ARL6IP6: variants seen among roughly 807,000 people sequenced by gnomAD.
The protein encoded by ARL6IP6 is ARF like GTPase 6 interacting protein 6.
Under a neutral mutation model 21.5 loss-of-function variants are expected in ARL6IP6, and 22 were observed. The ratio of observed to expected loss-of-function variants is 1.02; its 90% CI spans 0.73 to 1.46. ARL6IP6 has a LOEUF of 1.46. Ranked by LOEUF, ARL6IP6 falls within the 40% of genes most tolerant of loss-of-function variation. ARL6IP6 has a pLI of 0.00. For synonymous variants in ARL6IP6, 164 were observed against 125.3 expected (o/e 1.31, Z -2.06); for missense variants, 388 against 299.8 (o/e 1.29, Z -2.17).
intron 3 of ARL6IP6, among the ~76,000 whole-genome samples, chr2:152,750,470 T>C (rs1299733027): frequency 2.2e-5 from 3 of 136,370 alleles, no homozygotes; most frequent in South Asian, 4.6e-4. Context: ...AGCAAGACTC[T>C]GTCCAAAAAA....
intron 2 of ARL6IP6, among the ~76,000 whole-genome samples, chr2:152,725,119 G>T (rs867212914): frequency 2.7e-4 from 41 of 152,158 alleles, no homozygotes; most frequent in Middle Eastern, 6.8e-3. Context: ...CTTTCTTAGG[G>T]ATCTTCAAAA....
intron 2 of ARL6IP6, among the ~76,000 whole-genome samples, chr2:152,728,522 A>T (rs371454562): frequency 5.9e-5 from 9 of 152,198 alleles, no homozygotes; most frequent in African/African-American, 2.2e-4. Context: ...TTTAGAGCAT[A>T]TAACAGCCTC....
At chr2:152,755,003 A>G (rs1701512137) in intron 3 of ARL6IP6, among the ~76,000 whole-genome samples, 1 of 152,192 alleles carries the variant, frequency 6.6e-6, no homozygotes, top group Non-Finnish European at 1.5e-5. Flanking sequence ...TATGAATATC[A>G]TTAATCATTA....
chr2:152,737,733 A>G (rs750150017), intron 3 of ARL6IP6, among the ~76,000 whole-genome samples: 2 of 152,208 alleles, frequency 1.3e-5, no homozygotes, highest in Non-Finnish European at 1.5e-5. Flanking sequence ...AACCACCCCC[A>G]TAATTTAATT....
In ARL6IP6 at chr2:152,761,602, A is replaced by G. The variant is rs755673138; in HGVS notation, c.*1762A>G. On this transcript the variant is annotated 3_prime_UTR_variant, in exon 4 of 4. Coordinates refer to ENST00000326446, the MANE Select transcript of ARL6IP6 (RefSeq NM_152522.7). ...CAACGTTTTGGTCACAACGAACTGT[A>G]CTTATGATAGTGAATCCCCCCGTAA... Among the ~76,000 whole-genome samples, 13 of 152,226 alleles carry G rather than the reference A, an allele frequency of 8.5e-5. No homozygotes were observed. Among genetic ancestry groups the G allele is most frequent in the Non-Finnish European group, 1.5e-4 (10 of 68,042 alleles).
chr2:152,752,285 T>A (rs895434419), intron 3 of ARL6IP6, among the ~76,000 whole-genome samples: 1 of 152,172 alleles, frequency 6.6e-6, no homozygotes, highest in Non-Finnish European at 1.5e-5. Flanking sequence ...ATAAGAACCA[T>A]TTTGGAATCC....
Position 152,759,866 on chromosome 2 carries a change from C to G in ARL6IP6, c.*26C>G, listed in dbSNP as rs767952131. The G allele has an allele frequency of 5.8e-6, 9 of 1,564,962 alleles. No homozygotes were observed. The highest frequency in any genetic ancestry group is 7.9e-6 in the Non-Finnish European group (9 of 1,136,034). ...ACCCACACTGGAGCGATATTGTTGG[C>G]AAAACTTAATCATGATTGTTTTGTA... On this transcript the variant is annotated 3_prime_UTR_variant, in exon 4 of 4. Transcript: ENST00000326446.
upstream of ARL6IP6, chr2:152,717,965 G>C (rs1384428664): frequency 2.0e-6 from 2 of 1,007,582 alleles, no homozygotes; most frequent in Admixed American, 5.6e-5. Flanking sequence ...GAGGGGTTCG[G>C]AGGAGAGGGT....
intron 2 of ARL6IP6, among the ~76,000 whole-genome samples, chr2:152,732,973 T>C (rs1450330725): frequency 6.6e-6 from 1 of 152,174 alleles, no homozygotes; most frequent in African/African-American, 2.4e-5. Flanking sequence ...GCTGACTGTA[T>C]ATAGTTGAAA....
At chr2:152,752,196 C>G (rs1262244418) in intron 3 of ARL6IP6, among the ~76,000 whole-genome samples, 2 of 152,200 alleles carry the variant, frequency 1.3e-5, no homozygotes, top group East Asian at 3.9e-4. Context: ...TTTCAAACCC[C>G]TCTACCCTTC....
chr2:152,730,317 TCTTTCCTCA>T (rs1450974603), intron 2 of ARL6IP6, among the ~76,000 whole-genome samples: 1 of 152,212 alleles, frequency 6.6e-6, no homozygotes, highest in East Asian at 1.9e-4. Flanking sequence ...TTACTTTGTG[TCTTTCCTCA>T]CTTATCTAGA....
intron 2 of ARL6IP6, among the ~76,000 whole-genome samples, chr2:152,730,537 A>T (rs918392764): frequency 6.8e-6 from 1 of 147,376 alleles, no homozygotes; most frequent in Non-Finnish European, 1.5e-5. Flanking sequence ...AAATCTTATA[A>T]TTTTTTTTTT....
At chr2:152,757,692 A>G (rs1341845354) in intron 3 of ARL6IP6, among the ~76,000 whole-genome samples, 1 of 152,210 alleles carries the variant, frequency 6.6e-6, no homozygotes, top group Non-Finnish European at 1.5e-5. Context: ...AAAGCAAGTG[A>G]TTCTTCAAAG....
rs992183929 is a variant in ARL6IP6 at position 152,718,923 on chromosome 2, A to G, written c.299A>G (p.Gln100Arg). The change falls in exon 1 of 4, where the codon CAG (glutamine) becomes CGG (arginine). Residue 100 changes from glutamine (Q) to arginine (R), a missense_variant. By Grantham distance (43) the Gln-to-Arg change is conservative. Coordinates refer to ENST00000326446, the MANE Select transcript of ARL6IP6 (RefSeq NM_152522.7). Reference protein sequence around the residue: ...IFPAAAGSRAQPRRWPVQVLS... With the variant: ...IFPAAAGSRARPRRWPVQVLS... Reference sequence around the variant, plus strand: ...CCCGCGGCCGCGGGCAGCAGAGCCCAGCCTCGGCGGTGGCCGGTCCAGGTC... The same window carrying G: ...CCCGCGGCCGCGGGCAGCAGAGCCCGGCCTCGGCGGTGGCCGGTCCAGGTC... The G allele has an allele frequency of 9.3e-6, 15 of 1,613,752 alleles. No homozygotes were observed. The highest frequency in any genetic ancestry group is 1.6e-4 in the Middle Eastern group (1 of 6,082).
chr2:152,726,910 TA>T (rs1053555898), intron 2 of ARL6IP6, among the ~76,000 whole-genome samples: 2 of 151,576 alleles, frequency 1.3e-5, no homozygotes, highest in African/African-American at 2.4e-5. Context: ...CTTCCAGTCA[TA>T]AAAAAAAATA....
rs1348543558 is a variant in ARL6IP6, at chr2:152,718,897, T to A, written c.273T>A (p.Phe91Leu). The change falls in exon 1 of 4, where the codon TTT becomes TTA. Residue 91 changes from phenylalanine (F) to leucine (L), a missense_variant. Transcript: ENST00000326446. ...TGCCCGATAAGCGCAATGGTATCTT[T>A]CCCGCGGCCGCGGGCAGCAGAGCCC... The part of the protein sequence containing the change: ...PVLPDKRNGI[F>L]PAAAGSRAQP... The A allele has an allele frequency of 1.9e-6, 3 of 1,613,630 alleles. No homozygotes were observed. Among genetic ancestry groups the A allele is most frequent in the Admixed American group, 1.7e-5 (1 of 59,948 alleles).
chr2:152,755,294 G>A (rs996681480), intron 3 of ARL6IP6, among the ~76,000 whole-genome samples: 1 of 152,170 alleles, frequency 6.6e-6, no homozygotes, highest in Admixed American at 6.5e-5. Flanking sequence ...TAGCAGACCG[G>A]GAAGGGGAGT....
At chr2:152,751,707 AT>A (rs555044148) in intron 3 of ARL6IP6, among the ~76,000 whole-genome samples, 20 of 149,306 alleles carry the variant, frequency 1.3e-4, no homozygotes, top group African/African-American at 4.2e-4. Flanking sequence ...ACAGTATTTC[AT>A]TTTTTTTTAA....
At chr2:152,720,318 C>T (rs558744858) in intron 1 of ARL6IP6, 4 of 577,806 alleles carry the variant, frequency 6.9e-6, no homozygotes, top group Non-Finnish European at 1.2e-5. Flanking sequence ...GTACTCTCAT[C>T]CTATGTACGG....
Sources: gnomAD v4.1 joint callset for allele counts (sites outside exome capture counted in the v4.1 genomes callset) on GRCh38, gnomAD v4.1.1 for gene constraint, MANE v1.5 for transcripts, NCBI Gene and HGNC (gene_info 2026-07-23, HGNC 2026-07-21) for gene names.